MRPL38: variants seen among roughly 807,000 people sequenced by gnomAD.
MRPL38 encodes the protein large ribosomal subunit protein mL38.
MRPL38 carries 51 observed loss-of-function variants against 52.1 expected under a neutral mutation model. The ratio of observed to expected loss-of-function variants is 0.98; its 90% confidence interval spans 0.78 to 1.24. MRPL38 has a LOEUF of 1.24. MRPL38 is among the 50% of genes most tolerant of loss of function. The pLI is 0.00. For missense variants in MRPL38, 527 were observed against 518.6 expected, an observed-to-expected ratio of 1.02 and a Z score of -0.16; for synonymous variants, 245 against 212.7, an observed-to-expected ratio of 1.15 and a Z score of -1.32.
rs746163622 is a variant in MRPL38 at position 75,901,837 on chromosome 17, C to G, written c.466G>C (p.Gly156Arg). Residue 156 changes from glycine to arginine, a missense_variant, in exon 4 of 9, where the codon GGC (glycine) becomes CGC (arginine). By Grantham distance (125) the Gly-to-Arg change is moderately radical. Coordinates refer to ENST00000309352, the MANE Select transcript of MRPL38 (RefSeq NM_032478.4). This position sits in a 1 kb window ranked among gnomAD's most constrained non-coding sequence, Gnocchi z 5.7. ...YHKQRLAEYY[G>R]LYRDLFHGAT... ...CCGTGGAACAGGTCTCGGTAGAGGC[C>G]GTAATACTCAGCCAGACGCTGCTTG... The G allele has an allele frequency of 1.2e-6, 2 of 1,613,130 alleles. No homozygotes were observed. The highest frequency in any genetic ancestry group is 3.3e-5 in the Admixed American group (2 of 59,938).
rs930159358 is a variant in MRPL38 at position 75,901,606 on chromosome 17, A to C, written c.591+106T>G. ...GGTGTCGTCTTCCAGGAAATCAAAGAGACAGAGAACAACAAAATTCCAAAC... is the reference window on the plus strand; with the variant it reads ...GGTGTCGTCTTCCAGGAAATCAAAGCGACAGAGAACAACAAAATTCCAAAC... On this transcript the variant is annotated intron_variant, in intron 4 of 8. Transcript: ENST00000309352. This position sits in a 1 kb window ranked among gnomAD's most constrained non-coding sequence, Gnocchi z 5.7. The C allele has an allele frequency of 8.7e-6, 8 of 924,050 alleles. No individual in the cohort carries two copies. In the African/African-American group the frequency reaches 1.3e-4, roughly 15 times the overall value. The allele number at this position is 924,050 out of a possible 1,614,324, so 57.2% of individuals were successfully genotyped here. A position where few individuals can be genotyped will look rare whatever the true frequency, so the allele number is the denominator to read the frequency against.
intron 8 of MRPL38, 39 bp downstream of exon 8, chr17:75,899,119 G>GC: frequency 6.3e-7 from 1 of 1,575,888 alleles, no homozygotes; most frequent in Non-Finnish European, 8.6e-7. Context: ...AGGCCTGGGA[G>GC]CTCAGGCCCA....
At chr17:75,904,260 C>A (rs1208094812) in intron 2 of MRPL38, 1 of 610,346 alleles carries the variant, frequency 1.6e-6, no homozygotes. Flanking sequence ...GCATCCCAAT[C>A]CGGAAAGTCA....
intron 2 of MRPL38, among the ~76,000 whole-genome samples, chr17:75,903,138 A>G (rs1013581189): frequency 6.6e-6 from 1 of 152,158 alleles, no homozygotes; most frequent in Non-Finnish European, 1.5e-5. Flanking sequence ...GCCAGGTGCT[A>G]TGGCTCACGC....
At chr17:75,899,119 G>A (rs1285918835) in intron 8 of MRPL38, 39 bp downstream of exon 8, 5 of 1,575,770 alleles carry the variant, frequency 3.2e-6, no homozygotes, top group African/African-American at 2.7e-5. Flanking sequence ...AGGCCTGGGA[G>A]CTCAGGCCCA....
At chr17:75,902,960 C>T (rs1189091706) in intron 2 of MRPL38, among the ~76,000 whole-genome samples, 5 of 151,954 alleles carry the variant, frequency 3.3e-5, no homozygotes, top group Non-Finnish European at 1.5e-5. Context: ...TTTTCTGATC[C>T]CCAAACCAGG....
At chr17:75,902,236 TG>T (rs1007375397) in intron 2 of MRPL38, 82 bp from the exon 3 acceptor site, 5 of 1,426,870 alleles carry the variant, frequency 3.5e-6, no homozygotes. Flanking sequence ...CCTGAGTAGC[TG>T]GGGCTACAAG....
chr17:75,902,193 C>CT (rs1318947937), intron 2 of MRPL38, 39 bp from the exon 3 acceptor site: 1 of 1,545,356 alleles, frequency 6.5e-7, no homozygotes, highest in South Asian at 1.2e-5. Context: ...AGGGTCATGA[C>CT]TCACTGCAGC....
At chr17:75,902,788 C>G (rs901710274) in intron 2 of MRPL38, among the ~76,000 whole-genome samples, 1 of 152,198 alleles carries the variant, frequency 6.6e-6, no homozygotes, top group Admixed American at 6.5e-5. Context: ...GTGGCGCGAT[C>G]TCGGCACACT....
Position 75,899,249 on chromosome 17 carries a change from C to T in MRPL38, c.915G>A (p.Lys305=), listed in dbSNP as rs746551510. 1 of 1,612,282 alleles carries T rather than the reference C, an allele frequency of 6.2e-7. No homozygotes were observed. The highest frequency in any genetic ancestry group is 2.2e-5 in the East Asian group (1 of 44,844). ...QRTFRTFDFY[K]KHQETMTPAG... Reference sequence around the variant, plus strand: ...CTGGAGTCATGGTTTCTTGGTGTTTCTTGTAGAAATCAAAAGTGCGGAAGG... The same window carrying T: ...CTGGAGTCATGGTTTCTTGGTGTTTTTTGTAGAAATCAAAAGTGCGGAAGG... The change falls in exon 8 of 9, where the codon AAG becomes AAA. Residue 305 remains lysine (K), a synonymous_variant. Transcript: ENST00000309352.
At chr17:75,904,773 C>CG in intron 1 of MRPL38, 36 bp downstream of exon 1, 1 of 150,114 alleles carries the variant, frequency 6.7e-6, no homozygotes, top group Non-Finnish European at 9.2e-6. Flanking sequence ...GGCGACAGCC[C>CG]CCCCCCCCCC....
chr17:75,899,970 T>C (rs1198653812), intron 6 of MRPL38: 7 of 236,620 alleles, frequency 3.0e-5, no homozygotes, highest in African/African-American at 9.0e-5. Flanking sequence ...CCACAGTCAC[T>C]GAGGCTAGAA....
intron 2 of MRPL38, 183 bp from the exon 3 acceptor site, chr17:75,902,337 A>C (rs557484572): frequency 1.5e-6 from 1 of 651,488 alleles, no homozygotes; most frequent in South Asian, 2.0e-5. Flanking sequence ...TCTTGGGCTC[A>C]AGTGATCTGC....
rs1164133523 is a variant in MRPL38 at position 75,901,773 on chromosome 17, T to G, written c.530A>C (p.Tyr177Ser). ...FVPRVPLHVAYAVGEDDLMPV... is the reference protein window; with the variant it reads ...FVPRVPLHVASAVGEDDLMPV... ...CATCAGGTCATCCTCACCCACAGCG[T>G]AGGCCACGTGCAGGGGGACTCGGGG... The change falls in exon 4 of 9, where the codon TAC (tyrosine) becomes TCC (serine). Residue 177 changes from tyrosine (Y) to serine (S), a missense_variant. Transcript: ENST00000309352. The surrounding 1 kb of genome is among the most constrained non-coding windows in gnomAD (Gnocchi z 5.7). 3 of 1,613,678 alleles carry G rather than the reference T, an allele frequency of 1.9e-6. No individual in the cohort carries two copies. The South Asian group carries it at 3.3e-5, about 18-fold the overall frequency.
At position 75,898,909 on chromosome 17, in the gene MRPL38, G is replaced by A. The variant is rs753569263; in HGVS notation, c.1084C>T (p.Pro362Ser). 4.3e-6 allele frequency: 7 copies of A among 1,611,138 alleles called. No individual in the cohort carries two copies. The East Asian group carries it at 1.3e-4, about 31-fold the overall frequency. Reference protein sequence around the residue: ...PKQKRFPHRQPLRYLDRYRDS... With the variant: ...PKQKRFPHRQSLRYLDRYRDS... ...CTGTACCGGTCCAGGTAGCGCAGGG[G>A]CTGCCGGTGGGGGAAGCGCTTCTGC... Residue 362 changes from proline (P) to serine (S), a missense_variant, in exon 9 of 9, where the codon CCC (proline) becomes TCC (serine). Transcript: ENST00000309352.
In MRPL38 at chr17:75,901,839, TAATA is replaced by T; in HGVS notation, c.460_463del (p.Tyr154ThrfsTer30). On this transcript the variant is annotated frameshift_variant, in exon 4 of 9. Transcript: ENST00000309352. LOFTEE classifies it high-confidence loss of function. This position sits in a 1 kb window ranked among gnomAD's most constrained non-coding sequence, Gnocchi z 5.7. ...GTGGAACAGGTCTCGGTAGAGGCCG[TAATA>T]CTCAGCCAGACGCTGCTTGTGGTAG... is the stretch of plus-strand genomic sequence containing the variant. 1 of 1,612,838 alleles carries T rather than the reference TAATA, an allele frequency of 6.2e-7. No homozygotes were observed. The highest frequency in any genetic ancestry group is 1.1e-5 in the South Asian group (1 of 91,060).
In MRPL38 at chr17:75,899,501, G is replaced by C. The variant is rs1395472162; in HGVS notation, c.869+15C>G. 2.5e-6 allele frequency: 4 copies of C among 1,569,492 alleles called. No individual in the cohort carries two copies. Among genetic ancestry groups the C allele is most frequent in the Non-Finnish European group, 3.5e-6 (4 of 1,152,816 alleles). ...CTGGCCTGAGGCCGGGTTATGTGTG[G>C]GTGGTGTAGATTACCAGGGTGAGGG... On this transcript the variant is annotated intron_variant, in intron 7 of 8. Transcript: ENST00000309352.
In MRPL38 at chr17:75,901,587, G is replaced by T. The variant is rs118118706; in HGVS notation, c.591+125C>A. On this transcript the variant is annotated intron_variant, in intron 4 of 8. Transcript: ENST00000309352. The surrounding 1 kb of genome is among the most constrained non-coding windows in gnomAD (Gnocchi z 5.7). ...TTTTCTTTGAAATTGTCATGGTGTC[G>T]TCTTCCAGGAAATCAAAGAGACAGA... 3 of 802,064 alleles carry T rather than the reference G, an allele frequency of 3.7e-6. No individual in the cohort carries two copies. The highest frequency in any genetic ancestry group is 4.4e-5 in the Admixed American group (2 of 45,270). 49.7% of individuals were successfully genotyped at this position (802,064 alleles called of 1,614,324 possible). A position where few individuals can be genotyped will look rare whatever the true frequency, so the allele number is the denominator to read the frequency against.
chr17:75,903,052 A>G (rs1428346050), intron 2 of MRPL38, among the ~76,000 whole-genome samples: 1 of 152,214 alleles, frequency 6.6e-6, no homozygotes, highest in African/African-American at 2.4e-5. Context: ...GCCTGTTCAC[A>G]GGTGGCTATG....
Sources: gnomAD v4.1 joint callset for allele counts (sites outside exome capture counted in the v4.1 genomes callset) on GRCh38, gnomAD v4.1.1 for gene constraint, Gnocchi (gnomAD v3.1) non-coding constraint, MANE v1.5 for transcripts, NCBI Gene and HGNC (gene_info 2026-07-23, HGNC 2026-07-21) for gene names.